The following PVT1 variants were observed in gnomAD, a reference collection of about 807,000 sequenced individuals.
PVT1 encodes the protein CXCR4/PVT1 fusion.
At chr8:127,951,761 C>T (rs973645674) in intron 3 of PVT1, among the ~76,000 whole-genome samples, 2 of 151,992 alleles carry the variant, frequency 1.3e-5, no homozygotes, top group African/African-American at 4.8e-5. Context: ...GGGTTGATCC[C>T]AAAGCCTCCC....
rs1359459100 is a variant in PVT1 at position 127,970,287 on chromosome 8, T to TTG, written n.783-18873_783-18872dup. On this transcript the variant is annotated intron_variant and non_coding_transcript_variant, in intron 3 of 10. Coordinates refer to ENST00000651587, the Ensembl canonical transcript of PVT1. ...CACATTCCTCTCCATCTGCCATGAT[T>TTG]TGTTTTTTTTTTTTTTTTTTTTTTT... Among the ~76,000 whole-genome samples, 28 of 136,756 alleles carry TTG rather than the reference T, an allele frequency of 2.0e-4. 1 individual carries two copies. Among genetic ancestry groups the TTG allele is most frequent in the African/African-American group, 6.7e-4 (24 of 36,054 alleles). 89.7% of individuals were successfully genotyped at this position (136,756 alleles called of 152,430 possible).
At chr8:127,925,655 T>A (rs1366547391) in intron 3 of PVT1, among the ~76,000 whole-genome samples, 1 of 152,198 alleles carries the variant, frequency 6.6e-6, no homozygotes, top group Non-Finnish European at 1.5e-5. Context: ...TTTGTTTTTT[T>A]TTTGAAATGG....
intron 2 of PVT1, among the ~76,000 whole-genome samples, chr8:127,882,278 G>C (rs184359401): frequency 6.6e-6 from 1 of 152,076 alleles, no homozygotes; most frequent in African/African-American, 2.4e-5. Context: ...GAAGTGAAAC[G>C]AAGCAAAAAT....
At chr8:128,079,874 G>A (rs562530883) in intron 5 of PVT1, among the ~76,000 whole-genome samples, 15 of 152,032 alleles carry the variant, frequency 9.9e-5, no homozygotes, top group South Asian at 4.2e-4. Context: ...ATAGGCACCC[G>A]CCACCATGCC....
At chr8:127,910,893 T>TTGTGTGTGTG (rs537562200) in intron 3 of PVT1, among the ~76,000 whole-genome samples, 1 of 140,634 alleles carries the variant, frequency 7.1e-6, no homozygotes, top group African/African-American at 2.6e-5. Flanking sequence ...GTGTGTGTGT[T>TTGTGTGTGTG]TGTGTGTGTG....
intron 3 of PVT1, chr8:127,939,771 A>G (rs1816326049): frequency 6.6e-6 from 1 of 152,158 alleles, no homozygotes; most frequent in African/African-American, 2.4e-5. Flanking sequence ...TACATTTTCC[A>G]CATACTTTCC....
intron 2 of PVT1, among the ~76,000 whole-genome samples, chr8:127,860,608 CAA>C (rs1011209734): frequency 6.6e-6 from 1 of 151,430 alleles, no homozygotes; most frequent in Non-Finnish European, 1.5e-5. Context: ...ACTAAAAATA[CAA>C]AAAAATTAGC....
chr8:127,852,675 G>A (rs1041395336), intron 2 of PVT1, among the ~76,000 whole-genome samples: 1 of 152,276 alleles, frequency 6.6e-6, no homozygotes, highest in South Asian at 2.1e-4. Context: ...TAAGCCCTTG[G>A]CACACACTAA....
In PVT1 at chr8:127,911,077, G is replaced by A. The variant is rs75775943; in HGVS notation, n.782+20079G>A. 4.7e-3 allele frequency among the ~76,000 whole-genome samples: 717 copies of A among 152,272 alleles called. 6 individuals carry two copies. Among genetic ancestry groups the A allele is most frequent in the African/African-American group, 0.017 (695 of 41,550 alleles). On this transcript the variant is annotated intron_variant and non_coding_transcript_variant, in intron 3 of 10. Transcript: ENST00000651587. ...CAGTTCTGACAATCTGTCACTCCCA[G>A]AACCTGAGGCAGGCTGGACCTATAG...
chr8:127,848,607 C>T (rs189344012), intron 2 of PVT1, among the ~76,000 whole-genome samples: 387 of 151,758 alleles, frequency 2.6e-3, no homozygotes, highest in African/African-American at 9.0e-3. Context: ...CGCTTGAACC[C>T]GGGAGGCAGA....
At chr8:127,860,093 G>C (rs772840434) in intron 2 of PVT1, among the ~76,000 whole-genome samples, 11 of 152,164 alleles carry the variant, frequency 7.2e-5, no homozygotes, top group Admixed American at 2.0e-4. Flanking sequence ...TACCAGGAAC[G>C]GTGTGTGTGC....
At position 127,831,153 on chromosome 8, in the gene PVT1, C is replaced by CTATA. The variant is rs1343018424; in HGVS notation, n.372+35083_372+35084insATAT. ...TATCTATATCTATCTCTCTCTCTCT[C>CTATA]TCTATATATATATATATCTCCTATT... On this transcript the variant is annotated intron_variant and non_coding_transcript_variant, in intron 2 of 10. Transcript: ENST00000651587. Among the ~76,000 whole-genome samples the CTATA allele has an allele frequency of 8.6e-4, 128 of 148,094 alleles. 1 individual carries two copies. The highest frequency in any genetic ancestry group is 6.8e-3 in the South Asian group (32 of 4,698).
At chr8:127,877,394 T>C (rs1192538601) in intron 2 of PVT1, among the ~76,000 whole-genome samples, 1 of 152,162 alleles carries the variant, frequency 6.6e-6, no homozygotes, top group Non-Finnish European at 1.5e-5. Flanking sequence ...AGGGTTTTCT[T>C]TGTGACTGGT....
At chr8:127,893,979 T>C (rs117936893) in intron 3 of PVT1, among the ~76,000 whole-genome samples, 1 of 152,328 alleles carries the variant, frequency 6.6e-6, no homozygotes, top group East Asian at 1.9e-4. Flanking sequence ...CCTGAACAGT[T>C]TGCATTTCTA....
chr8:127,950,453 G>A (rs557654793), intron 3 of PVT1, among the ~76,000 whole-genome samples: 5 of 152,320 alleles, frequency 3.3e-5, no homozygotes, highest in South Asian at 2.1e-4. Context: ...TGCTTCAAGC[G>A]TGGGAGCTCC....
chr8:127,799,826 T>C (rs1814441749), intron 2 of PVT1, among the ~76,000 whole-genome samples: 1 of 152,224 alleles, frequency 6.6e-6, no homozygotes, highest in African/African-American at 2.4e-5. Context: ...AAGTAGTGGT[T>C]TCTGAATAGA....
At chr8:127,878,675 C>A (rs1346302681) in intron 2 of PVT1, among the ~76,000 whole-genome samples, 1 of 152,190 alleles carries the variant, frequency 6.6e-6, no homozygotes, top group African/African-American at 2.4e-5. Flanking sequence ...AGAAGGCTAT[C>A]GTGAGGTAAC....
At chr8:128,032,437 T>C (rs1297167496) in intron 4 of PVT1, among the ~76,000 whole-genome samples, 1 of 152,228 alleles carries the variant, frequency 6.6e-6, no homozygotes, top group Admixed American at 6.5e-5. Context: ...TCAAGCCTTC[T>C]TATGAGATGG....
At chr8:127,874,233 G>A (rs184054787) in intron 2 of PVT1, among the ~76,000 whole-genome samples, 5 of 152,282 alleles carry the variant, frequency 3.3e-5, no homozygotes, top group African/African-American at 1.2e-4. Flanking sequence ...TGATGCCATG[G>A]GAGCACTGGA....
Sources: gnomAD v4.1 joint callset for allele counts (sites outside exome capture counted in the v4.1 genomes callset) on GRCh38, gnomAD v4.1.1 for gene constraint, MANE v1.5 for transcripts, NCBI Gene and HGNC (gene_info 2026-07-23, HGNC 2026-07-21) for gene names.